WARS2: variants seen among roughly 807,000 people sequenced by gnomAD.
The protein encoded by WARS2 is tryptophan--tRNA ligase, mitochondrial.
Under a neutral mutation model 36.5 loss-of-function variants are expected in WARS2, and 28 were observed. The ratio of observed to expected loss-of-function variants is 0.77; its 90% CI spans 0.57 to 1.05. The LOEUF is 1.05. Ranked by LOEUF, WARS2 falls within the 50% of genes least tolerant of loss-of-function variation. WARS2 has a pLI of 0.00. For synonymous variants in WARS2, 174 were observed against 178.4 expected (o/e 0.98, Z 0.20); for missense variants, 435 against 456.8 (o/e 0.95, Z 0.44).
At chr1:119,042,227 T>G in intron 4 of WARS2, 37 bp downstream of exon 4, 1 of 1,588,590 alleles carries the variant, frequency 6.3e-7, no homozygotes, top group Admixed American at 1.7e-5. Flanking sequence ...CTTGTCACCA[T>G]GAGTATGTAT....
chr1:119,114,894 A>G (rs1302872539), intron 1 of WARS2, among the ~76,000 whole-genome samples: 1 of 152,164 alleles, frequency 6.6e-6, no homozygotes, highest in Non-Finnish European at 1.5e-5. Flanking sequence ...TATAAGTCCT[A>G]TTATGCAAGC....
intron 4 of WARS2, among the ~76,000 whole-genome samples, chr1:119,041,981 A>G (rs543122348): frequency 6.6e-6 from 1 of 152,346 alleles, no homozygotes; most frequent in Non-Finnish European, 1.5e-5. Context: ...TGATGTATAT[A>G]AAGTACTTAC....
chr1:119,111,043 C>G (rs938432268), intron 1 of WARS2, among the ~76,000 whole-genome samples: 4 of 152,240 alleles, frequency 2.6e-5, no homozygotes, highest in Admixed American at 1.3e-4. Flanking sequence ...TTCATGTTGT[C>G]TACTTTTTCC....
At chr1:119,123,012 T>G (rs1655427144) in intron 1 of WARS2, among the ~76,000 whole-genome samples, 1 of 152,196 alleles carries the variant, frequency 6.6e-6, no homozygotes, top group South Asian at 2.1e-4. Context: ...CTTGTGAAAC[T>G]GTATACAGTT....
At chr1:119,041,551 G>A (rs1439932887) in intron 4 of WARS2, among the ~76,000 whole-genome samples, 2 of 152,134 alleles carry the variant, frequency 1.3e-5, no homozygotes, top group African/African-American at 4.8e-5. Flanking sequence ...TAATACAGTG[G>A]TTATTTAAAT....
chr1:119,048,773 C>T (rs1649073724), intron 2 of WARS2, among the ~76,000 whole-genome samples: 1 of 151,752 alleles, frequency 6.6e-6, no homozygotes, highest in Non-Finnish European at 1.5e-5. Flanking sequence ...CCTATAAAAA[C>T]CCCAAGACCC....
At chr1:119,115,800 A>T (rs1654923261) in intron 1 of WARS2, among the ~76,000 whole-genome samples, 1 of 152,204 alleles carries the variant, frequency 6.6e-6, no homozygotes, top group South Asian at 2.1e-4. Context: ...GACACCCATG[A>T]CACTTTCTGT....
rs587707969 is a variant in WARS2, at chr1:119,082,440, A to T, written c.91-5833T>A. ...ATGCCCTGGCCCTTTCATGTACTTC[A>T]TCTCATGTAGTGAAGGTAGGAATCA... On this transcript the variant is annotated intron_variant, in intron 1 of 5. Transcript: ENST00000235521. The T allele has an allele frequency of 4.1e-6, 4 of 985,416 alleles. No individual in the cohort carries two copies. In the African/African-American group the frequency reaches 7.0e-5, roughly 17 times the overall value. 61.0% of individuals were successfully genotyped at this position (985,416 alleles called of 1,614,324 possible). A position where few individuals can be genotyped will look rare whatever the true frequency, so the allele number is the denominator to read the frequency against.
At chr1:119,045,991 G>A (rs1411647859) in intron 2 of WARS2, among the ~76,000 whole-genome samples, 1 of 151,824 alleles carries the variant, frequency 6.6e-6, no homozygotes, top group Non-Finnish European at 1.5e-5. Context: ...AGCTTATTAA[G>A]AAGGCACACA....
intron 2 of WARS2, among the ~76,000 whole-genome samples, chr1:119,062,466 T>TAA (rs66984587): frequency 2.8e-4 from 42 of 149,356 alleles, no homozygotes; most frequent in Middle Eastern, 3.5e-3. Flanking sequence ...GCACAGCAAA[T>TAA]AAAAAAAAAA....
intron 2 of WARS2, among the ~76,000 whole-genome samples, chr1:119,056,951 C>T (rs1478726463): frequency 2.0e-5 from 3 of 152,070 alleles, no homozygotes; most frequent in African/African-American, 4.8e-5. Context: ...ACAAACTGTT[C>T]TCTAAGGTAG....
At chr1:119,138,260 A>T (rs1656653729) in intron 1 of WARS2, among the ~76,000 whole-genome samples, 1 of 152,198 alleles carries the variant, frequency 6.6e-6, no homozygotes, top group Non-Finnish European at 1.5e-5. Context: ...CTTCAAAGGA[A>T]GCTTTTCAAG....
chr1:119,072,418 C>T (rs2101289598), intron 2 of WARS2, among the ~76,000 whole-genome samples: 1 of 152,178 alleles, frequency 6.6e-6, no homozygotes, highest in East Asian at 1.9e-4. Flanking sequence ...AACTAAAAAA[C>T]TAAGGTTTAT....
chr1:119,045,746 A>G, intron 2 of WARS2, 84 bp from the exon 3 acceptor site: 1 of 1,062,610 alleles, frequency 9.4e-7, no homozygotes, highest in Non-Finnish European at 1.4e-6. Flanking sequence ...TATTACCCTA[A>G]ATGTCTGAAA....
chr1:119,089,823 C>T (rs1652914385), intron 1 of WARS2, among the ~76,000 whole-genome samples: 1 of 152,152 alleles, frequency 6.6e-6, no homozygotes, highest in Non-Finnish European at 1.5e-5. Context: ...ATATCCTTTG[C>T]AGGGACATAG....
chr1:119,040,549 T>A (rs1183222041), intron 4 of WARS2, among the ~76,000 whole-genome samples: 1 of 152,222 alleles, frequency 6.6e-6, no homozygotes, highest in Non-Finnish European at 1.5e-5. Context: ...TGGGCTCAAG[T>A]GATCCTCCCG....
At chr1:119,059,660 G>A (rs1458539220) in intron 2 of WARS2, among the ~76,000 whole-genome samples, 12 of 152,066 alleles carry the variant, frequency 7.9e-5, no homozygotes, top group Admixed American at 7.9e-4. Context: ...TAAACACTTT[G>A]CATGGCCTTA....
At chr1:119,131,865 G>A (rs587759734) in intron 1 of WARS2, among the ~76,000 whole-genome samples, 1 of 152,124 alleles carries the variant, frequency 6.6e-6, no homozygotes, top group South Asian at 2.1e-4. Flanking sequence ...CTGCTTTTGG[G>A]AGATTAACAA....
chr1:119,094,724 T>A (rs1653293202), intron 1 of WARS2, among the ~76,000 whole-genome samples: 1 of 152,132 alleles, frequency 6.6e-6, no homozygotes. Context: ...TTAATATCAA[T>A]CCCAAATACA....
Sources: gnomAD v4.1 joint callset for allele counts (sites outside exome capture counted in the v4.1 genomes callset) on GRCh38, gnomAD v4.1.1 for gene constraint, MANE v1.5 for transcripts, NCBI Gene and HGNC (gene_info 2026-07-23, HGNC 2026-07-21) for gene names.